The following GMDS variants were observed in gnomAD, a reference collection of about 807,000 sequenced individuals.
GMDS encodes the protein GDP-mannose 4,6-dehydratase, also known as GDP-mannose 4,6 dehydratase.
A neutral mutation model predicts 49.9 loss-of-function variants in GMDS; 20 were observed. That is an observed-to-expected ratio of 0.40 (90% CI 0.28 to 0.58). The LOEUF (loss-of-function observed/expected upper bound fraction) is 0.58. GMDS is among the 20% of genes least tolerant of loss of function. GMDS has a pLI of 0.42. For missense variants in GMDS, 362 were observed against 481.4 expected, an observed-to-expected ratio of 0.75 and a Z score of 2.32; for synonymous variants, 177 against 178.6, an observed-to-expected ratio of 0.99 and a Z score of 0.07.
intron 8 of GMDS, among the ~76,000 whole-genome samples, chr6:1,731,247 C>A (rs1766791280): frequency 6.6e-6 from 1 of 152,146 alleles, no homozygotes; most frequent in Non-Finnish European, 1.5e-5. Flanking sequence ...CATTAGAGTG[C>A]CTCAGGGCAG....
rs189617642 is a variant in GMDS at position 2,154,586 on chromosome 6, G to T, written c.103-29855C>A. Among the ~76,000 whole-genome samples the T allele has an allele frequency of 4.6e-4, 70 of 152,052 alleles. 1 individual carries two copies. Among genetic ancestry groups the T allele is most frequent in the Admixed American group, 1.8e-3 (27 of 15,272 alleles). On this transcript the variant is annotated intron_variant, in intron 1 of 10. Coordinates refer to ENST00000380815, the MANE Select transcript of GMDS (RefSeq NM_001500.4). The stretch of plus-strand genomic sequence containing the variant: ...TTTTCCAACTCAAATTCAGAAAAAG[G>T]TTTTTCCACCTAAACTTAGGCCACT...
At chr6:2,208,718 T>C (rs115324459) in intron 1 of GMDS, among the ~76,000 whole-genome samples, 2,367 of 152,234 alleles carry the variant, frequency 0.016, 74 homozygotes, top group African/African-American at 0.055. Flanking sequence ...CTTTAGAAAA[T>C]AGCTTGCCCA....
intron 9 of GMDS, among the ~76,000 whole-genome samples, chr6:1,681,325 T>C (rs1454097737): frequency 6.6e-6 from 1 of 152,168 alleles, no homozygotes; most frequent in East Asian, 1.9e-4. Context: ...ATGGGTGACA[T>C]CTTACTACAG....
At chr6:1,700,992 T>C (rs553411850) in intron 9 of GMDS, among the ~76,000 whole-genome samples, 1 of 152,354 alleles carries the variant, frequency 6.6e-6, no homozygotes, top group East Asian at 1.9e-4. Context: ...CAGCTCAGGC[T>C]GATGATGCCG....
intron 4 of GMDS, among the ~76,000 whole-genome samples, chr6:2,029,406 C>T (rs570213844): frequency 3.9e-4 from 60 of 152,296 alleles, no homozygotes; most frequent in Non-Finnish European, 6.8e-4. Flanking sequence ...ATCCTTGGGG[C>T]ATTCTGCTAT....
At chr6:2,164,363 G>A (rs1212998917) in intron 1 of GMDS, among the ~76,000 whole-genome samples, 2 of 152,068 alleles carry the variant, frequency 1.3e-5, no homozygotes, top group East Asian at 3.8e-4. Flanking sequence ...TCACCTTTAG[G>A]AGCCTGCTGG....
intron 7 of GMDS, among the ~76,000 whole-genome samples, chr6:1,863,775 C>G (rs1430355124): frequency 6.6e-6 from 1 of 152,086 alleles, no homozygotes; most frequent in African/African-American, 2.4e-5. Flanking sequence ...ATCATTATTG[C>G]AAAGCCAATA....
At chr6:1,711,114 T>A (rs1321068881) in intron 9 of GMDS, among the ~76,000 whole-genome samples, 1 of 152,210 alleles carries the variant, frequency 6.6e-6, no homozygotes, top group Non-Finnish European at 1.5e-5. Flanking sequence ...CATTTTCCCC[T>A]GGGGGGAATC....
chr6:2,176,644 G>C (rs192921588), intron 1 of GMDS, among the ~76,000 whole-genome samples: 2 of 152,242 alleles, frequency 1.3e-5, no homozygotes, highest in East Asian at 3.9e-4. Context: ...TGTGAAGAGT[G>C]CAAGGAAGCA....
chr6:1,695,932 T>C (rs1436088236), intron 9 of GMDS, among the ~76,000 whole-genome samples: 2 of 150,646 alleles, frequency 1.3e-5, no homozygotes, highest in Admixed American at 1.3e-4. Flanking sequence ...TCTTTTTTTT[T>C]TTTTTTAATT....
chr6:1,714,042 G>C (rs1430926789), intron 9 of GMDS, among the ~76,000 whole-genome samples: 2 of 152,128 alleles, frequency 1.3e-5, no homozygotes, highest in African/African-American at 4.8e-5. Flanking sequence ...TTTTGAGAGG[G>C]AGTCTCACTC....
intron 7 of GMDS, among the ~76,000 whole-genome samples, chr6:1,817,519 AC>A (rs1770721003): frequency 1.3e-5 from 2 of 152,248 alleles, no homozygotes; most frequent in African/African-American, 4.8e-5. Flanking sequence ...CTAGGAATAT[AC>A]AGTTTTGCTT....
chr6:1,950,577 C>T lies in GMDS; in HGVS notation c.643+9290G>A, dbSNP rs115180226. Among the ~76,000 whole-genome samples the T allele has an allele frequency of 2.6e-3, 402 of 152,200 alleles. 2 individuals are homozygous for T. Among genetic ancestry groups the T allele is most frequent in the African/African-American group, 9.0e-3 (374 of 41,522 alleles). ...TTAAGGCCCTGGAGCTATTTGAATC[C>T]GAATGTTTTCTTTGGTGTTCACGTA... On this transcript the variant is annotated intron_variant, in intron 6 of 10. Transcript: ENST00000380815.
chr6:1,625,403 GCAGCCAGCAGCTC>G (rs1182958524), intron 9 of GMDS: 3 of 152,234 alleles, frequency 2.0e-5, no homozygotes, highest in Non-Finnish European at 4.4e-5. Flanking sequence ...GAGCGGAGCT[GCAGCCAGCAGCTC>G]TGCAGGACCC....
intron 4 of GMDS, among the ~76,000 whole-genome samples, chr6:2,089,617 T>C (rs1773205071): frequency 6.6e-6 from 1 of 152,252 alleles, no homozygotes; most frequent in Non-Finnish European, 1.5e-5. Context: ...GGTTATTTTT[T>C]ACTATGTGTT....
intron 7 of GMDS, among the ~76,000 whole-genome samples, chr6:1,876,172 C>T (rs892121435): frequency 1.3e-5 from 2 of 151,822 alleles, no homozygotes; most frequent in African/African-American, 2.4e-5. Flanking sequence ...GCAGGAGACT[C>T]GCTTGAACCC....
chr6:2,159,218 G>C (rs1777259426), intron 1 of GMDS, among the ~76,000 whole-genome samples: 1 of 152,102 alleles, frequency 6.6e-6, no homozygotes, highest in Non-Finnish European at 1.5e-5. Flanking sequence ...AACAATGTGA[G>C]GGGGAGGAGA....
intron 4 of GMDS, among the ~76,000 whole-genome samples, chr6:2,011,424 G>A (rs10458133): frequency 0.016 from 2,481 of 152,280 alleles, 40 homozygotes; most frequent in South Asian, 0.064. Flanking sequence ...ACTATCATTC[G>A]ATCTAGCAAT....
chr6:1,791,848 A>G (rs1318647255), intron 7 of GMDS, among the ~76,000 whole-genome samples: 1 of 152,222 alleles, frequency 6.6e-6, no homozygotes, highest in African/African-American at 2.4e-5. Flanking sequence ...AATAGCATAT[A>G]TAAGTAATAT....
Sources: allele counts gnomAD v4.1 joint callset (sites outside exome capture counted in the v4.1 genomes callset), GRCh38; gene constraint gnomAD v4.1.1; transcripts MANE v1.5; gene names NCBI Gene and HGNC (gene_info 2026-07-23, HGNC 2026-07-21).